The following TMEM154 variants were observed in gnomAD, a reference collection of about 807,000 sequenced individuals.
TMEM154 encodes the protein transmembrane protein 154.
Under a neutral mutation model 24.5 loss-of-function variants are expected in TMEM154, and 27 were observed. The ratio of observed to expected loss-of-function variants is 1.10; its 90% CI spans 0.81 to 1.52. The LOEUF (loss-of-function observed/expected upper bound fraction) is 1.52, where lower values mean the gene tolerates loss of function less well. TMEM154 is among the 40% of genes most tolerant of loss of function. The pLI is 0.00. For missense variants in TMEM154, 228 were observed against 213.4 expected (o/e 1.07, Z -0.43); for synonymous variants, 67 against 76.8 (o/e 0.87, Z 0.67).
chr4:152,647,003 T>C, intron 3 of TMEM154: 2 of 717,470 alleles, frequency 2.8e-6, no homozygotes, highest in Non-Finnish European at 5.0e-6. Context: ...CTAGGAAGAA[T>C]GAGAGCAGAA....
rs558206209 is a variant in TMEM154 at position 152,622,193 on chromosome 4, A to G, written c.*6353T>C. 1.3e-5 allele frequency: 2 copies of G among 152,378 alleles called. No homozygotes were observed. Among genetic ancestry groups the G allele is most frequent in the South Asian group, 4.1e-4 (2 of 4,832 alleles). 9.4% of individuals were successfully genotyped at this position (152,378 alleles called of 1,614,324 possible). A position where few individuals can be genotyped will look rare whatever the true frequency, so the allele number is the denominator to read the frequency against. ...TTCCTTCATTTAAAAATGTTTTGTA[A>G]GGAAGAATAAAGACAAGAATGTGTA... On this transcript the variant is annotated 3_prime_UTR_variant, in exon 7 of 7. Coordinates refer to ENST00000304385, the MANE Select transcript of TMEM154 (RefSeq NM_152680.3).
intron 1 of TMEM154, among the ~76,000 whole-genome samples, chr4:152,664,373 G>A (rs76041718): frequency 0.081 from 11,710 of 144,028 alleles, 539 homozygotes; most frequent in Middle Eastern, 0.089. Flanking sequence ...GGGGCCTGTC[G>A]TGGCGGGGGG....
chr4:152,666,836 C>A (rs1050871340), intron 1 of TMEM154: 1 of 152,240 alleles, frequency 6.6e-6, no homozygotes, highest in Non-Finnish European at 1.5e-5. Context: ...ATGGATGACA[C>A]CACTGGGACA....
intron 3 of TMEM154, 35 bp downstream of exon 3, chr4:152,652,503 C>G: frequency 6.2e-7 from 1 of 1,611,434 alleles, no homozygotes; most frequent in Non-Finnish European, 8.5e-7. Context: ...CCAATCCCAC[C>G]CCCACCTGTA....
chr4:152,653,882 T>C (rs1428944023), intron 1 of TMEM154, among the ~76,000 whole-genome samples: 2 of 150,914 alleles, frequency 1.3e-5, no homozygotes, highest in African/African-American at 2.4e-5. Context: ...TTACTAAAAA[T>C]ACAAAAATTA....
At chr4:152,665,308 A>T (rs752918912) in intron 1 of TMEM154, among the ~76,000 whole-genome samples, 3 of 152,154 alleles carry the variant, frequency 2.0e-5, no homozygotes, top group Non-Finnish European at 2.9e-5. Context: ...GTTGTGTCTC[A>T]CTTCTCTAGA....
intron 1 of TMEM154, among the ~76,000 whole-genome samples, chr4:152,663,759 T>G (rs1457755012): frequency 6.6e-6 from 1 of 152,254 alleles, no homozygotes; most frequent in East Asian, 1.9e-4. Flanking sequence ...ATACTTCACT[T>G]TATTGTTTAT....
chr4:152,632,529 G>A (rs978204295), intron 6 of TMEM154, among the ~76,000 whole-genome samples: 9 of 152,176 alleles, frequency 5.9e-5, no homozygotes, highest in African/African-American at 1.2e-4. Flanking sequence ...TTTTTAAGAT[G>A]ACTGGGTTGA....
intron 4 of TMEM154, among the ~76,000 whole-genome samples, 160 bp from the exon 5 acceptor site, chr4:152,643,333 C>T (rs1222294518): frequency 6.6e-6 from 1 of 152,078 alleles, no homozygotes; most frequent in Non-Finnish European, 1.5e-5. Context: ...AACTACCAAA[C>T]TTTAATAGGA....
chr4:152,630,189 G>A (rs1247517735), intron 6 of TMEM154, among the ~76,000 whole-genome samples: 1 of 151,630 alleles, frequency 6.6e-6, no homozygotes, highest in Non-Finnish European at 1.5e-5. Flanking sequence ...GTGCACACTT[G>A]TAGTCCCAGT....
chr4:152,675,072 G>T (rs1432000107), intron 1 of TMEM154, among the ~76,000 whole-genome samples: 1 of 145,736 alleles, frequency 6.9e-6, no homozygotes, highest in African/African-American at 2.5e-5. Flanking sequence ...AGGAGAATCG[G>T]CTTGAACCCA....
intron 1 of TMEM154, among the ~76,000 whole-genome samples, chr4:152,678,947 C>T (rs1729006556): frequency 1.3e-5 from 2 of 152,190 alleles, no homozygotes; most frequent in Admixed American, 1.3e-4. Context: ...GCTGATGTCC[C>T]TCATTCTATC....
In TMEM154 at chr4:152,661,277, G is replaced by GTTCTCT. The variant is rs1417936409; in HGVS notation, c.65-8356_65-8351dup. The stretch of plus-strand genomic sequence containing the variant: ...TTAAATAAATGAGAATCAAGGGATT[G>GTTCTCT]TTCTCTTTCTCTCTCTCTCTCTCTC... On this transcript the variant is annotated intron_variant, in intron 1 of 6. Transcript: ENST00000304385. Among the ~76,000 whole-genome samples the GTTCTCT allele has an allele frequency of 5.3e-4, 46 of 86,066 alleles. 1 individual carries two copies. Among genetic ancestry groups the GTTCTCT allele is most frequent in the African/African-American group, 1.9e-3 (40 of 21,342 alleles). 56.5% of individuals were successfully genotyped at this position (86,066 alleles called of 152,430 possible).
chr4:152,647,428 A>T (rs1728274325), intron 3 of TMEM154: 1 of 674,588 alleles, frequency 1.5e-6, no homozygotes, highest in Non-Finnish European at 1.8e-6. Flanking sequence ...GCAGTTAGTG[A>T]TCACGTCTGT....
rs551829985 is a variant in TMEM154 at position 152,667,889 on chromosome 4, G to A, written c.64+11981C>T. ...AGTAGTCTGCTCTGGGAAATTACTC[G>A]TTAGGGTTTGTTGTATTTTTACCTC... On this transcript the variant is annotated intron_variant, in intron 1 of 6. Coordinates refer to ENST00000304385, the MANE Select transcript of TMEM154 (RefSeq NM_152680.3). Among the ~76,000 whole-genome samples the A allele has an allele frequency of 5.9e-5, 9 of 152,356 alleles. No individual in the cohort carries two copies. In the South Asian group the frequency reaches 8.3e-4, roughly 14 times the overall value.
intron 1 of TMEM154, among the ~76,000 whole-genome samples, chr4:152,679,545 T>TA (rs1729018975): frequency 6.6e-6 from 1 of 151,750 alleles, no homozygotes; most frequent in African/African-American, 2.4e-5. Context: ...TGTTTTTTTT[T>TA]ACATAAACTG....
rs907277434 is a variant in TMEM154, at chr4:152,643,069, A to G, written c.478+19T>C. 1.3e-6 allele frequency: 2 copies of G among 1,594,902 alleles called. No homozygotes were observed. Among genetic ancestry groups the G allele is most frequent in the Non-Finnish European group, 1.7e-6 (2 of 1,169,402 alleles). ...TACTAGAGAGGAAAGAAAAAAAACA[A>G]CTTTAGGTTACCACATACCATTTCT... On this transcript the variant is annotated intron_variant, in intron 5 of 6. Transcript: ENST00000304385.
chr4:152,639,616 A>G (rs1227327906), intron 6 of TMEM154, among the ~76,000 whole-genome samples: 1 of 145,530 alleles, frequency 6.9e-6, no homozygotes, highest in African/African-American at 2.6e-5. Context: ...CTCTCTCCCC[A>G]TTTCTTTTAG....
intron 6 of TMEM154, among the ~76,000 whole-genome samples, chr4:152,632,293 T>C (rs1363058806): frequency 6.6e-6 from 1 of 152,212 alleles, no homozygotes; most frequent in African/African-American, 2.4e-5. Flanking sequence ...TCCCCCCAAA[T>C]GTTAGTCAGT....
Sources: allele counts gnomAD v4.1 joint callset (sites outside exome capture counted in the v4.1 genomes callset), GRCh38; gene constraint gnomAD v4.1.1; transcripts MANE v1.5; gene names NCBI Gene and HGNC (gene_info 2026-07-23, HGNC 2026-07-21).